Variants in ABR observed in about 807,000 individuals in gnomAD.
ABR encodes the protein active breakpoint cluster region-related protein.
In ABR, 35 loss-of-function variants were observed where a neutral mutation model predicts 107.2. The ratio of observed to expected loss-of-function variants is 0.33; its 90% CI spans 0.25 to 0.43. ABR has a LOEUF of 0.43. Ranked by LOEUF, ABR falls within the 20% of genes least tolerant of loss-of-function variation. The pLI is 1.00. For synonymous variants in ABR, 498 were observed against 462.0 expected (o/e 1.08, Z -1.00); for missense variants, 815 against 1,115.2 (o/e 0.73, Z 3.83).
At chr17:1,047,020 G>A (rs1195089330) in intron 16 of ABR, among the ~76,000 whole-genome samples, 1 of 152,172 alleles carries the variant, frequency 6.6e-6, no homozygotes, top group Admixed American at 6.5e-5. Context: ...TGCCCCATCA[G>A]GCGACCCAGA....
At chr17:1,142,884 T>C (rs556462814) in intron 1 of ABR, among the ~76,000 whole-genome samples, 2 of 152,256 alleles carry the variant, frequency 1.3e-5, no homozygotes, top group South Asian at 4.1e-4. Flanking sequence ...CCCCGAGGCC[T>C]GGAGCCCCTC....
intron 1 of ABR, among the ~76,000 whole-genome samples, chr17:1,178,970 T>C (rs2042018182): frequency 6.7e-6 from 1 of 149,242 alleles, no homozygotes; most frequent in South Asian, 2.1e-4. Flanking sequence ...CAGAGAGATT[T>C]GGGAGCGAGG....
Position 1,050,563 on chromosome 17 carries a change from C to T in ABR, c.1633G>A (p.Asp545Asn), listed in dbSNP as rs1262700906. ...TCATCCCACTTGGGCTCCGCTGTGT[C>T]CCGGAACACCCTGGTTTTGGCTTTG... ...VSKAKTRVFRDTAEPKWDEEF... is the reference protein window; with the variant it reads ...VSKAKTRVFRNTAEPKWDEEF... The change falls in exon 15 of 23, where the codon GAC (aspartate) becomes AAC (asparagine). Residue 545 changes from aspartate (D) to asparagine (N), a missense_variant. Coordinates refer to ENST00000302538, the MANE Select transcript of ABR (RefSeq NM_021962.5). This position sits in a 1 kb window ranked among gnomAD's most constrained non-coding sequence, Gnocchi z 4.6. 5 of 1,613,918 alleles carry T rather than the reference C, an allele frequency of 3.1e-6. No homozygotes were observed. The Admixed American group carries it at 6.7e-5, about 22-fold the overall frequency.
chr17:1,062,022 G>A (rs1342824820), intron 10 of ABR, among the ~76,000 whole-genome samples: 1 of 152,224 alleles, frequency 6.6e-6, no homozygotes, highest in Admixed American at 6.5e-5. Flanking sequence ...TGGGGACAGG[G>A]CACCCAACCA....
At chr17:1,164,467 C>A (rs1356618956) in intron 1 of ABR, among the ~76,000 whole-genome samples, 6 of 149,980 alleles carry the variant, frequency 4.0e-5, no homozygotes, top group Non-Finnish European at 7.4e-5. Flanking sequence ...GGGACCCTGG[C>A]AAAGTGTCAC....
At chr17:1,042,269 C>T (rs372833102) in intron 16 of ABR, among the ~76,000 whole-genome samples, 11 of 151,528 alleles carry the variant, frequency 7.3e-5, no homozygotes, top group Admixed American at 4.6e-4. Flanking sequence ...GATAAACAGA[C>T]GTGGCACCTA....
chr17:1,051,494 T>A lies in ABR; in HGVS notation c.1562-860A>T, dbSNP rs1167230037. On this transcript the variant is annotated intron_variant, in intron 14 of 22. Coordinates refer to ENST00000302538, the MANE Select transcript of ABR (RefSeq NM_021962.5). This position sits in a 1 kb window ranked among gnomAD's most constrained non-coding sequence, Gnocchi z 4.3. ...TCCACCCTGGCCTTCAGGCTGAAAATCTACCTTGGGACCCAACTGCTGAGG... is the reference window on the plus strand; with the variant it reads ...TCCACCCTGGCCTTCAGGCTGAAAAACTACCTTGGGACCCAACTGCTGAGG... Among the ~76,000 whole-genome samples, 4 of 152,124 alleles carry A rather than the reference T, an allele frequency of 2.6e-5. No individual in the cohort carries two copies. The East Asian group carries it at 5.8e-4, about 22-fold the overall frequency.
intron 3 of ABR, among the ~76,000 whole-genome samples, chr17:1,096,722 G>C (rs1044828395): frequency 1.3e-5 from 2 of 151,324 alleles, no homozygotes; most frequent in South Asian, 2.1e-4. Context: ...GGGGAAGGGG[G>C]GGAACCTGCC....
At chr17:1,052,035 C>T (rs889378314) in intron 14 of ABR, among the ~76,000 whole-genome samples, 18 of 151,760 alleles carry the variant, frequency 1.2e-4, no homozygotes, top group East Asian at 1.2e-3. Flanking sequence ...GATGGCACCA[C>T]TGCACTCCAG....
Position 1,111,760 on chromosome 17 carries a change from T to C in ABR, c.247-11025A>G, listed in dbSNP as rs575452405. ...GGCCCAGCCTCAGCCCTCTGCTCCC[T>C]TCCCCCAGAGAAGCAGCCCTTCTCC... On this transcript the variant is annotated intron_variant, in intron 2 of 22. Coordinates refer to ENST00000302538, the MANE Select transcript of ABR (RefSeq NM_021962.5). Among the ~76,000 whole-genome samples, 9 of 152,278 alleles carry C rather than the reference T, an allele frequency of 5.9e-5. No homozygotes were observed. In the South Asian group the frequency reaches 1.9e-3, roughly 32 times the overall value.
intron 1 of ABR, among the ~76,000 whole-genome samples, chr17:1,163,433 G>A (rs998251895): frequency 8.5e-5 from 13 of 152,328 alleles, no homozygotes; most frequent in South Asian, 4.1e-4. Context: ...TGAGCAAGAC[G>A]CATCCAGGTG....
intron 16 of ABR, among the ~76,000 whole-genome samples, chr17:1,031,022 G>GGGCACCGGCGGTCTGCCCT (rs1334035417): frequency 1.3e-5 from 2 of 152,320 alleles, no homozygotes; most frequent in Non-Finnish European, 2.9e-5. Context: ...GGGGCTGCAG[G>GGGCACCGGCGGTCTGCCCT]GGCACCGGCG....
Position 1,010,971 on chromosome 17 carries a change from C to T in ABR, c.2102-108G>A. 2 of 1,460,770 alleles carry T rather than the reference C, an allele frequency of 1.4e-6. No individual in the cohort carries two copies. Among genetic ancestry groups the T allele is most frequent in the Non-Finnish European group, 1.9e-6 (2 of 1,068,828 alleles). The allele number at this position is 1,460,770 out of a possible 1,614,324, so 90.5% of individuals were successfully genotyped here. ...CACCCACTCCAGCTCTGGTTCTGGT[C>T]TCCCCTGGAAGAGCAGGATGTAGAG... On this transcript the variant is annotated intron_variant, in intron 19 of 22. Coordinates refer to ENST00000302538, the MANE Select transcript of ABR (RefSeq NM_021962.5). The surrounding 1 kb of genome is among the most constrained non-coding windows in gnomAD (Gnocchi z 4.1).
chr17:1,059,603 G>A (rs995241818), intron 10 of ABR, among the ~76,000 whole-genome samples: 6 of 152,140 alleles, frequency 3.9e-5, no homozygotes, highest in African/African-American at 1.4e-4. Flanking sequence ...CAACCCACCA[G>A]GTCCCGTCGG....
intron 4 of ABR, among the ~76,000 whole-genome samples, chr17:1,086,198 C>T (rs2036581264): frequency 6.6e-6 from 1 of 152,144 alleles, no homozygotes. Context: ...ATGTACGTGG[C>T]TCATAAGCTA....
At chr17:1,165,136 T>G (rs1040575696) in intron 1 of ABR, among the ~76,000 whole-genome samples, 3 of 152,144 alleles carry the variant, frequency 2.0e-5, no homozygotes, top group Admixed American at 6.5e-5. Flanking sequence ...TAAGCAGGTG[T>G]TCAAAGACCA....
At chr17:1,222,074 C>CTTTTTTTTTTTTTTTTTTTTTTTTTTTT (rs1488404002) in intron 1 of ABR, among the ~76,000 whole-genome samples, 3 of 144,782 alleles carry the variant, frequency 2.1e-5, no homozygotes, top group African/African-American at 2.6e-5. Flanking sequence ...AGGATCCCAT[C>CTTTTTTTTTTTTTTTTTTTTTTTTTTTT]TTTTTTTCTG....
chr17:1,222,739 C>T (rs1194286720), intron 1 of ABR, among the ~76,000 whole-genome samples: 2 of 151,994 alleles, frequency 1.3e-5, no homozygotes, highest in East Asian at 1.9e-4. Context: ...TAGTGAGACC[C>T]CGTCTCTACA....
intron 4 of ABR, among the ~76,000 whole-genome samples, chr17:1,089,284 T>G (rs2036855077): frequency 6.6e-6 from 1 of 151,628 alleles, no homozygotes; most frequent in South Asian, 2.1e-4. Flanking sequence ...TCTTCCAGCC[T>G]CAGCCTCCCA....
Sources: gnomAD v4.1 joint callset for allele counts (sites outside exome capture counted in the v4.1 genomes callset) on GRCh38, gnomAD v4.1.1 for gene constraint, Gnocchi (gnomAD v3.1) non-coding constraint, MANE v1.5 for transcripts, NCBI Gene and HGNC (gene_info 2026-07-23, HGNC 2026-07-21) for gene names.